AGAP1: variants seen among roughly 807,000 people sequenced by gnomAD.
AGAP1 encodes the protein arf-GAP with GTPase, ANK repeat and PH domain-containing protein 1.
Under a neutral mutation model 105.3 loss-of-function variants are expected in AGAP1, and 29 were observed. The ratio of observed to expected loss-of-function variants is 0.28; its 90% CI spans 0.21 to 0.38. AGAP1 has a LOEUF of 0.38. Ranked by LOEUF, AGAP1 falls within the 10% of genes least tolerant of loss-of-function variation. AGAP1 has a pLI of 1.00. For missense variants in AGAP1, 998 were observed against 1,165.1 expected (o/e 0.86, Z 2.09); for synonymous variants, 509 against 485.9 (o/e 1.05, Z -0.63).
At chr2:236,071,571 C>A (rs576164021) in intron 16 of AGAP1, among the ~76,000 whole-genome samples, 1 of 152,182 alleles carries the variant, frequency 6.6e-6, no homozygotes, top group Non-Finnish European at 1.5e-5. Flanking sequence ...AGGGGACTCA[C>A]GGTAAACAGT....
At chr2:235,746,426 C>G (rs370245207) in intron 5 of AGAP1, among the ~76,000 whole-genome samples, 3 of 96,740 alleles carry the variant, frequency 3.1e-5, no homozygotes, top group Non-Finnish European at 5.9e-5. Context: ...CGTACGTGGT[C>G]GCTCTCACTC....
At chr2:235,565,473 C>T (rs1342612526) in intron 1 of AGAP1, among the ~76,000 whole-genome samples, 2 of 152,206 alleles carry the variant, frequency 1.3e-5, no homozygotes, top group Admixed American at 6.5e-5. Context: ...CTCATGCCTA[C>T]CCAGCATAAT....
At chr2:235,763,804 GTT>G (rs1954668772) in intron 6 of AGAP1, among the ~76,000 whole-genome samples, 1 of 152,164 alleles carries the variant, frequency 6.6e-6, no homozygotes, top group Admixed American at 6.5e-5. Flanking sequence ...AATCTGTTTT[GTT>G]ATCTGATTTC....
At chr2:235,627,468 G>A (rs531274700) in intron 1 of AGAP1, among the ~76,000 whole-genome samples, 11 of 152,130 alleles carry the variant, frequency 7.2e-5, no homozygotes, top group African/African-American at 2.6e-4. Context: ...CAAGTGATCC[G>A]TCCACCTTGG....
rs1259931140 is a variant in AGAP1, at chr2:236,082,244, C to T, written c.2114+32963C>T. ...AAATTCAATTGGCTTCTGATCTCAT[C>T]GCTGGAAGTTATAGATGCAGATATT... On this transcript the variant is annotated intron_variant, in intron 16 of 17. Transcript: ENST00000304032. This position sits in a 1 kb window ranked among gnomAD's most constrained non-coding sequence, Gnocchi z 4.2. 5.9e-5 allele frequency among the ~76,000 whole-genome samples: 9 copies of T among 152,188 alleles called. No individual in the cohort carries two copies. Among genetic ancestry groups the T allele is most frequent in the Admixed American group, 5.2e-4 (8 of 15,284 alleles).
chr2:235,868,745 G>A (rs1206597292), intron 9 of AGAP1, among the ~76,000 whole-genome samples: 1 of 152,204 alleles, frequency 6.6e-6, no homozygotes, highest in Non-Finnish European at 1.5e-5. Flanking sequence ...AGCAAACACT[G>A]AGTGATGGGT....
Position 235,555,921 on chromosome 2 carries a change from G to C in AGAP1, c.163+61072G>C, listed in dbSNP as rs1943957888. Among the ~76,000 whole-genome samples the C allele has an allele frequency of 6.6e-6, 1 of 152,202 alleles. No homozygotes were observed. The highest frequency in any genetic ancestry group is 6.5e-5 in the Admixed American group (1 of 15,288). On this transcript the variant is annotated intron_variant, in intron 1 of 17. Coordinates refer to ENST00000304032, the MANE Select transcript of AGAP1 (RefSeq NM_001037131.3). This position sits in a 1 kb window ranked among gnomAD's most constrained non-coding sequence, Gnocchi z 5.1. ...TGGCTGAGGAATATTTGGGGCACCTGCTCTGGGCCATGTACACAATGAGGC... is the reference window on the plus strand; with the variant it reads ...TGGCTGAGGAATATTTGGGGCACCTCCTCTGGGCCATGTACACAATGAGGC...
rs773303264 is a variant in AGAP1, at chr2:236,123,327, G to A, written c.2371-592G>A. ...AACTCCTGGGCTGAAGTGAACCACC[G>A]CACCCAGCTTGTGTTGTGCTTCTGA... On this transcript the variant is annotated intron_variant, in intron 17 of 17. Transcript: ENST00000304032. This position sits in a 1 kb window ranked among gnomAD's most constrained non-coding sequence, Gnocchi z 4.6. Among the ~76,000 whole-genome samples, 9 of 152,090 alleles carry A rather than the reference G, an allele frequency of 5.9e-5. No individual in the cohort carries two copies. Among genetic ancestry groups the A allele is most frequent in the South Asian group, 2.1e-4 (1 of 4,822 alleles).
At chr2:235,782,294 C>T (rs1272943787) in intron 6 of AGAP1, among the ~76,000 whole-genome samples, 1 of 151,546 alleles carries the variant, frequency 6.6e-6, no homozygotes, top group Non-Finnish European at 1.5e-5. Flanking sequence ...AAAGAGAAAT[C>T]TGTTTTGAAA....
rs1322018453 is a variant in AGAP1 at position 235,901,193 on chromosome 2, A to G, written c.1156-7545A>G. On this transcript the variant is annotated intron_variant, in intron 10 of 17. Transcript: ENST00000304032. This position sits in a 1 kb window ranked among gnomAD's most constrained non-coding sequence, Gnocchi z 4.3. Reference sequence around the variant, plus strand: ...GATCTTTTTGAATGGGTGGTCCTATATATGTCTTTATGATTAGTTTCCTTT... The same window carrying G: ...GATCTTTTTGAATGGGTGGTCCTATGTATGTCTTTATGATTAGTTTCCTTT... Among the ~76,000 whole-genome samples the G allele has an allele frequency of 1.3e-5, 2 of 151,888 alleles. No individual in the cohort carries two copies. Among genetic ancestry groups the G allele is most frequent in the Non-Finnish European group, 2.9e-5 (2 of 67,996 alleles).
Position 235,930,645 on chromosome 2 carries a change from G to T in AGAP1, c.1325-120G>T. On this transcript the variant is annotated intron_variant, in intron 11 of 17. Transcript: ENST00000304032. This position sits in a 1 kb window ranked among gnomAD's most constrained non-coding sequence, Gnocchi z 7.9. ...TTCCGTTTGCCATGCAGGCAGGACA[G>T]GGGCTGCTCTCGGTGGTAAGGTGCA... 1 of 1,018,166 alleles carries T rather than the reference G, an allele frequency of 9.8e-7. No individual in the cohort carries two copies. The highest frequency in any genetic ancestry group is 1.4e-6 in the Non-Finnish European group (1 of 705,992). The allele number at this position is 1,018,166 out of a possible 1,614,324, so 63.1% of individuals were successfully genotyped here.
At chr2:235,533,807 C>A (rs1262143640) in intron 1 of AGAP1, among the ~76,000 whole-genome samples, 2 of 152,254 alleles carry the variant, frequency 1.3e-5, no homozygotes, top group African/African-American at 2.4e-5. Context: ...GGACCCCTCC[C>A]CGCTGGCCCC....
chr2:235,546,129 G>A (rs1024169483), intron 1 of AGAP1, among the ~76,000 whole-genome samples: 2 of 152,194 alleles, frequency 1.3e-5, no homozygotes, highest in Non-Finnish European at 2.9e-5. Context: ...AAGGATGGGG[G>A]ACAGCTGTCA....
chr2:235,589,193 TG>T (rs57891052), intron 1 of AGAP1, among the ~76,000 whole-genome samples: 5,159 of 50,890 alleles, frequency 0.1, 775 homozygotes, highest in South Asian at 0.15. Flanking sequence ...CTTATTGTTT[TG>T]TTTTTTTTTT....
intron 13 of AGAP1, among the ~76,000 whole-genome samples, chr2:236,030,810 G>A (rs141270071): frequency 1.1e-4 from 17 of 152,290 alleles, no homozygotes; most frequent in Non-Finnish European, 2.2e-4. Context: ...TAAACTCAGC[G>A]AAGTGTTAAA....
chr2:235,954,991 A>C (rs1177208697), intron 12 of AGAP1, among the ~76,000 whole-genome samples: 1 of 152,132 alleles, frequency 6.6e-6, no homozygotes, highest in African/African-American at 2.4e-5. Context: ...GAGTTGCCTT[A>C]GTCAGTCTTT....
At chr2:235,785,035 C>T (rs1181015534) in intron 6 of AGAP1, among the ~76,000 whole-genome samples, 2 of 152,226 alleles carry the variant, frequency 1.3e-5, no homozygotes, top group Non-Finnish European at 2.9e-5. Context: ...TCTTCCCGTG[C>T]ACAGGGCCAC....
chr2:235,629,911 G>T (rs1379791863), intron 1 of AGAP1, among the ~76,000 whole-genome samples: 1 of 149,090 alleles, frequency 6.7e-6, no homozygotes, highest in Non-Finnish European at 1.5e-5. Context: ...CATTGATAAT[G>T]TGGCATGAAT....
chr2:236,011,128 T>A (rs1369987533), intron 13 of AGAP1, among the ~76,000 whole-genome samples: 1 of 152,222 alleles, frequency 6.6e-6, no homozygotes, highest in Admixed American at 6.5e-5. Flanking sequence ...CAGCAGTCGG[T>A]GGTGATTCCC....
Sources: gnomAD v4.1 joint callset for allele counts (sites outside exome capture counted in the v4.1 genomes callset) on GRCh38, gnomAD v4.1.1 for gene constraint, Gnocchi (gnomAD v3.1) non-coding constraint, MANE v1.5 for transcripts, NCBI Gene and HGNC (gene_info 2026-07-23, HGNC 2026-07-21) for gene names.